Variants in RNF213 observed in about 807,000 individuals in gnomAD.
RNF213 encodes the protein E3 ubiquitin-protein ligase RNF213.
RNF213 carries 341 observed loss-of-function variants against 514.4 expected under a neutral mutation model. That is an observed-to-expected ratio of 0.66 (90% confidence interval 0.61 to 0.73). The LOEUF (loss-of-function observed/expected upper bound fraction) is 0.73. RNF213 is among the 30% of genes least tolerant of loss of function. RNF213 has a pLI of 0.00. For synonymous variants in RNF213, 2,655 were observed against 2,658.2 expected, an observed-to-expected ratio of 1.00 and a Z score of 0.04; for missense variants, 5,767 against 6,615.6, an observed-to-expected ratio of 0.87 and a Z score of 4.45.
chr17:80,390,356 A>G (rs2080415383), intron 67 of RNF213, among the ~76,000 whole-genome samples, 160 bp downstream of exon 67: 2 of 152,076 alleles, frequency 1.3e-5, no homozygotes, highest in Admixed American at 1.3e-4. Context: ...TTTGGTTTTA[A>G]TCTCTACTGG....
At chr17:80,333,707 CA>C (rs942851232) in intron 21 of RNF213, 78 of 158,826 alleles carry the variant, frequency 4.9e-4, no homozygotes, top group South Asian at 1.5e-3. Flanking sequence ...AAAAAAAAAC[CA>C]AAAAAAAAAC....
Position 80,264,235 on chromosome 17 carries a change from G to T in RNF213, c.97+457G>T, listed in dbSNP as rs1481230180. On this transcript the variant is annotated intron_variant, in intron 2 of 67. Transcript: ENST00000582970. This position sits in a 1 kb window ranked among gnomAD's most constrained non-coding sequence, Gnocchi z 5.0. ...CGGGCTGAGCTGAGGGCTTCATAGAGAGTTTCAGAGAATGCTGCAGGGAAG... is the reference window on the plus strand; with the variant it reads ...CGGGCTGAGCTGAGGGCTTCATAGATAGTTTCAGAGAATGCTGCAGGGAAG... Among the ~76,000 whole-genome samples the T allele has an allele frequency of 6.6e-6, 1 of 152,186 alleles. No homozygotes were observed. Among genetic ancestry groups the T allele is most frequent in the Non-Finnish European group, 1.5e-5 (1 of 68,044 alleles).
At chr17:80,386,516 C>T in intron 62 of RNF213, 86 bp downstream of exon 62, 5 of 1,502,236 alleles carry the variant, frequency 3.3e-6, no homozygotes, top group South Asian at 1.1e-5. Context: ...AGCTTCAGCC[C>T]CTTCCCTAAC....
chr17:80,265,481 A>G (rs2043582986), intron 2 of RNF213, among the ~76,000 whole-genome samples: 3 of 152,160 alleles, frequency 2.0e-5, no homozygotes, highest in African/African-American at 7.2e-5. Flanking sequence ...GAATTTGGTG[A>G]CTCTGTACAT....
At chr17:80,275,572 G>C (rs2044023738) in intron 3 of RNF213, among the ~76,000 whole-genome samples, 1 of 152,158 alleles carries the variant, frequency 6.6e-6, no homozygotes, top group Non-Finnish European at 1.5e-5. Flanking sequence ...GAAGACCTCA[G>C]TGCAGGCTGG....
rs148918801 is a variant in RNF213 at position 80,363,716 on chromosome 17, G to A, written c.11676G>A (p.Pro3892=). ...AGTTGGTGAAGAATCTTTCCATGCC[G>A]CTGGAGCTCATCTGCTCCGATGAGC... ...WLQLVKNLSM[P]LELICSDEHM... Residue 3892 remains proline, a synonymous_variant, in exon 41 of 68, where the codon CCG becomes CCA. Transcript: ENST00000582970. 9.9e-6 allele frequency: 16 copies of A among 1,613,706 alleles called. No homozygotes were observed. Among genetic ancestry groups the A allele is most frequent in the African/African-American group, 1.3e-5 (1 of 74,914 alleles).
In RNF213 at chr17:80,397,793, C is replaced by G; in HGVS notation, c.*4295C>G. ...CTTGTCCTGCTACATTTCTTGGTTC[C>G]CTGACCAGGAATCTAGGTGATTAAT... On this transcript the variant is annotated 3_prime_UTR_variant, in exon 68 of 68. Coordinates refer to ENST00000582970, the MANE Select transcript of RNF213 (RefSeq NM_001256071.3). 6.6e-6 allele frequency: 1 copy of G among 150,630 alleles called. No individual in the cohort carries two copies. Among genetic ancestry groups the G allele is most frequent in the Non-Finnish European group, 1.5e-5 (1 of 67,844 alleles). 9.3% of individuals were successfully genotyped at this position (150,630 alleles called of 1,614,324 possible).
At chr17:80,294,694 G>A in intron 8 of RNF213, 26 bp from the exon 9 acceptor site, 1 of 1,613,110 alleles carries the variant, frequency 6.2e-7, no homozygotes, top group Non-Finnish European at 8.5e-7. Context: ...TCTTAGGTAG[G>A]CTCTTGTTCC....
intron 6 of RNF213, among the ~76,000 whole-genome samples, 160 bp from the exon 7 acceptor site, chr17:80,290,410 T>TGC (rs1251354969): frequency 4.4e-5 from 6 of 136,514 alleles, no homozygotes; most frequent in Non-Finnish European, 1.6e-5. Flanking sequence ...TGCTTGTGTG[T>TGC]GTGCGTGTGT....
At chr17:80,390,219 G>A in intron 67 of RNF213, 23 bp downstream of exon 67, 1 of 1,611,670 alleles carries the variant, frequency 6.2e-7, no homozygotes, top group Non-Finnish European at 8.5e-7. Context: ...ACACCTATGG[G>A]GCGGGGCAGA....
At position 80,345,576 on chromosome 17, in the gene RNF213, T is replaced by A; in HGVS notation, c.7241T>A (p.Ile2414Asn). Residue 2414 changes from isoleucine to asparagine, a missense_variant, in exon 29 of 68, where the codon ATC becomes AAC. Transcript: ENST00000582970. The surrounding 1 kb of genome is among the most constrained non-coding windows in gnomAD (Gnocchi z 6.0). ...LAIEMRFRCG[I>N]PVIIMGETGC... is the part of the protein sequence containing the mutation. ...ATCGAGATGCGGTTCCGGTGTGGGATCCCGGTTATCATCATGGGAGAAACT... is the reference window on the plus strand; with the variant it reads ...ATCGAGATGCGGTTCCGGTGTGGGAACCCGGTTATCATCATGGGAGAAACT... 6.2e-7 allele frequency: 1 copy of A among 1,613,558 alleles called. No individual in the cohort carries two copies. Among genetic ancestry groups the A allele is most frequent in the Non-Finnish European group, 8.5e-7 (1 of 1,179,532 alleles).
intron 41 of RNF213, 140 bp downstream of exon 41, chr17:80,363,930 A>G: frequency 3.5e-6 from 3 of 857,970 alleles, no homozygotes; most frequent in Non-Finnish European, 5.7e-6. Flanking sequence ...TTCACTCCGC[A>G]TTTGCCGAAC....
intron 63 of RNF213, among the ~76,000 whole-genome samples, chr17:80,387,996 G>GT (rs1231385920): frequency 7.7e-6 from 1 of 130,216 alleles, no homozygotes; most frequent in African/African-American, 3.1e-5. Context: ...GTCTCGCTCT[G>GT]TCACCCAGGC....
At chr17:80,388,758 G>C in intron 64 of RNF213, 69 bp downstream of exon 64, 1 of 1,211,268 alleles carries the variant, frequency 8.3e-7, no homozygotes, top group South Asian at 1.2e-5. Context: ...CTCCGTGTTA[G>C]GCCTACTCCA....
At chr17:80,267,431 G>T (rs943628828) in intron 2 of RNF213, among the ~76,000 whole-genome samples, 4 of 152,096 alleles carry the variant, frequency 2.6e-5, no homozygotes, top group African/African-American at 9.7e-5. Flanking sequence ...GACAGAGCGA[G>T]ACTCCATCCC....
chr17:80,379,330 A>G, intron 54 of RNF213: 1 of 436,476 alleles, frequency 2.3e-6, no homozygotes, highest in Non-Finnish European at 4.3e-6. Context: ...TGCTGAATAC[A>G]AGAAAGGAAG....
intron 17 of RNF213, chr17:80,319,929 G>A (rs774114338): frequency 3.9e-6 from 4 of 1,037,446 alleles, no homozygotes; most frequent in South Asian, 3.6e-5. Flanking sequence ...GAAACATTGA[G>A]GTCATTGAAT....
At chr17:80,368,954 C>T (rs1168165394) in intron 44 of RNF213, among the ~76,000 whole-genome samples, 3 of 152,200 alleles carry the variant, frequency 2.0e-5, no homozygotes, top group Admixed American at 1.3e-4. Context: ...TGGATGGGTT[C>T]TTTGACATAC....
chr17:80,345,513 A>T lies in RNF213; in HGVS notation c.7178A>T (p.Tyr2393Phe). 6.2e-7 allele frequency: 1 copy of T among 1,611,878 alleles called. No homozygotes were observed. The highest frequency in any genetic ancestry group is 1.1e-5 in the South Asian group (1 of 91,052). The change falls in exon 29 of 68, where the codon TAT becomes TTT. Residue 2393 changes from tyrosine to phenylalanine, a missense_variant. By Grantham distance (22) the Tyr-to-Phe change is conservative. Coordinates refer to ENST00000582970, the MANE Select transcript of RNF213 (RefSeq NM_001256071.3). This position sits in a 1 kb window ranked among gnomAD's most constrained non-coding sequence, Gnocchi z 6.0. The stretch of plus-strand genomic sequence containing the variant: ...CAGGCCACCGACCCCGACAAAACGT[A>T]TGAGCTCACAACCGACAATATGCTT... ...IPQATDPDKT[Y>F]ELTTDNMLKI...
Sources: gnomAD v4.1 joint callset for allele counts (sites outside exome capture counted in the v4.1 genomes callset) on GRCh38, gnomAD v4.1.1 for gene constraint, Gnocchi (gnomAD v3.1) non-coding constraint, MANE v1.5 for transcripts, NCBI Gene and HGNC (gene_info 2026-07-23, HGNC 2026-07-21) for gene names.